USP32: variants seen among roughly 807,000 people sequenced by gnomAD.
USP32 encodes the protein ubiquitin carboxyl-terminal hydrolase 32.
In USP32, 59 loss-of-function variants were observed where a neutral mutation model predicts 204.8. That is an observed-to-expected ratio of 0.29 (90% CI 0.23 to 0.36). USP32 has a LOEUF of 0.36. USP32 is among the 10% of genes least tolerant of loss of function. The pLI, the probability that USP32 is intolerant of heterozygous loss-of-function variation, is 1.00. For synonymous variants in USP32, 517 were observed against 678.4 expected (o/e 0.76, Z 3.70); for missense variants, 1,160 against 1,946.4 (o/e 0.60, Z 7.60).
At chr17:60,214,553 C>A (rs2085052751) in intron 17 of USP32, 67 bp downstream of exon 17, 11 of 1,514,416 alleles carry the variant, frequency 7.3e-6, no homozygotes, top group Non-Finnish European at 9.8e-6. Context: ...TAGCAAATTT[C>A]TTTTACTATT....
intron 1 of USP32, among the ~76,000 whole-genome samples, chr17:60,370,043 A>G (rs1321517356): frequency 6.6e-6 from 1 of 151,838 alleles, no homozygotes; most frequent in Admixed American, 6.6e-5. Flanking sequence ...ACAGCCTACA[A>G]AATAATTTTT....
At chr17:60,337,707 T>C (rs1303850843) in intron 2 of USP32, among the ~76,000 whole-genome samples, 1 of 151,916 alleles carries the variant, frequency 6.6e-6, no homozygotes, top group Non-Finnish European at 1.5e-5. Context: ...TGAGACCCCG[T>C]CTCCACAAAA....
chr17:60,378,994 T>C (rs763209308), intron 1 of USP32, among the ~76,000 whole-genome samples: 5 of 152,160 alleles, frequency 3.3e-5, no homozygotes, highest in Non-Finnish European at 7.4e-5. Flanking sequence ...GAGAGCTATG[T>C]ACATACCTGA....
chr17:60,178,618 A>G lies in USP32; in HGVS notation c.*637T>C, dbSNP rs940946798. On this transcript the variant is annotated 3_prime_UTR_variant, in exon 34 of 34. Coordinates refer to ENST00000300896, the MANE Select transcript of USP32 (RefSeq NM_032582.4). ...GAGCCTCCCTTTCAGACTGACCACT[A>G]TATGCCCCTGCCACCAATGACTGGT... 6.6e-6 allele frequency among the ~76,000 whole-genome samples: 1 copy of G among 152,206 alleles called. No individual in the cohort carries two copies. The highest frequency in any genetic ancestry group is 2.4e-5 in the African/African-American group (1 of 41,448).
chr17:60,232,168 CTTTTT>C (rs58707657), intron 12 of USP32, among the ~76,000 whole-genome samples: 51 of 109,468 alleles, frequency 4.7e-4, no homozygotes, highest in Non-Finnish European at 8.4e-4. Context: ...TTTTCTTTTT[CTTTTT>C]TTTTTTTTTT....
chr17:60,326,247 C>A (rs189362455), intron 2 of USP32, among the ~76,000 whole-genome samples: 1 of 151,958 alleles, frequency 6.6e-6, no homozygotes, highest in Admixed American at 6.5e-5. Context: ...GATTGCATTT[C>A]ATCACACCCT....
In USP32 at chr17:60,178,627, T is replaced by C. The variant is rs2084025766; in HGVS notation, c.*628A>G. Among the ~76,000 whole-genome samples, 2 of 152,290 alleles carry C rather than the reference T, an allele frequency of 1.3e-5. No homozygotes were observed. Among genetic ancestry groups the C allele is most frequent in the Middle Eastern group, 3.4e-3 (1 of 294 alleles). ...TTTCAGACTGACCACTATATGCCCC[T>C]GCCACCAATGACTGGTTGTGTCTCA... On this transcript the variant is annotated 3_prime_UTR_variant, in exon 34 of 34. Coordinates refer to ENST00000300896, the MANE Select transcript of USP32 (RefSeq NM_032582.4).
chr17:60,366,270 T>C (rs972110846), intron 1 of USP32, among the ~76,000 whole-genome samples: 1 of 152,158 alleles, frequency 6.6e-6, no homozygotes, highest in Non-Finnish European at 1.5e-5. Context: ...GCGATTCTCC[T>C]GCCTCAGCCT....
intron 5 of USP32, among the ~76,000 whole-genome samples, chr17:60,286,012 T>C (rs2145840607): frequency 6.6e-6 from 1 of 151,994 alleles, no homozygotes; most frequent in South Asian, 2.1e-4. Context: ...AGTGCATGCC[T>C]GTAATCACAG....
At chr17:60,376,985 A>G (rs1017335348) in intron 1 of USP32, among the ~76,000 whole-genome samples, 2 of 152,238 alleles carry the variant, frequency 1.3e-5, no homozygotes, top group Non-Finnish European at 2.9e-5. Context: ...AAAAACGCAC[A>G]AAGAACATTG....
chr17:60,300,715 C>T (rs1395577712), intron 3 of USP32, among the ~76,000 whole-genome samples: 1 of 152,104 alleles, frequency 6.6e-6, no homozygotes, highest in East Asian at 1.9e-4. Context: ...AAAATTCACC[C>T]TTTTAAAATA....
At chr17:60,327,034 A>G (rs1348955027) in intron 2 of USP32, among the ~76,000 whole-genome samples, 1 of 152,162 alleles carries the variant, frequency 6.6e-6, no homozygotes, top group African/African-American at 2.4e-5. Context: ...ACAGCCAGAT[A>G]GGAGGGAAAA....
At position 60,419,824 on chromosome 17, in the gene USP32, ATT is replaced by A. The variant is rs1567903836; in HGVS notation, c.106+2420_106+2421del. On this transcript the variant is annotated intron_variant, in intron 1 of 3. Transcript: ENST00000588898. ...CAACTCAAGGTTAAAAAAAATTATT[ATT>A]ATTATTATTATTATTATTATTATTA... 5.6e-5 allele frequency among the ~76,000 whole-genome samples: 3 copies of A among 53,600 alleles called. No individual in the cohort carries two copies. The East Asian group carries it at 1.9e-3, about 34-fold the overall frequency. The allele number at this position is 53,600 out of a possible 152,430, so 35.2% of individuals were successfully genotyped here. A position where few individuals can be genotyped will look rare whatever the true frequency, so the allele number is the denominator to read the frequency against.
At chr17:60,394,001 T>C (rs984844705), upstream of USP32, among the ~76,000 whole-genome samples, 2 of 152,208 alleles carry the variant, frequency 1.3e-5, no homozygotes, top group Non-Finnish European at 2.9e-5. Flanking sequence ...CGTGTTTTTC[T>C]ACTCACCTTT....
chr17:60,291,669 C>T (rs999933014), intron 4 of USP32, among the ~76,000 whole-genome samples: 2 of 151,840 alleles, frequency 1.3e-5, no homozygotes, highest in African/African-American at 4.8e-5. Flanking sequence ...ATGCAATCAT[C>T]GACACACTAC....
In USP32 at chr17:60,288,680, A is replaced by G. The variant is rs530416232; in HGVS notation, c.414T>C (p.Gly138=). The G allele has an allele frequency of 2.5e-6, 4 of 1,596,608 alleles. No individual in the cohort carries two copies. The African/African-American group carries it at 5.4e-5, about 22-fold the overall frequency. Reference sequence around the variant, plus strand: ...TAAACTTTTCATAGTTTACCTTTTCACCCTAAAATTAAAACAAGAAAACAT... The same window carrying G: ...TAAACTTTTCATAGTTTACCTTTTCGCCCTAAAATTAAAACAAGAAAACAT... ...PDTLRKCFSE[G]EKVNYEKFRN... Residue 138 remains glycine (G), a splice_region_variant and synonymous_variant, in exon 5 of 34, where the codon GGT becomes GGC. Coordinates refer to ENST00000300896, the MANE Select transcript of USP32 (RefSeq NM_032582.4).
chr17:60,330,296 T>C (rs1186766113), intron 2 of USP32, among the ~76,000 whole-genome samples: 1 of 152,192 alleles, frequency 6.6e-6, no homozygotes, highest in Non-Finnish European at 1.5e-5. Flanking sequence ...GATCTTAAAA[T>C]TGGCCTCCTT....
intron 1 of USP32, among the ~76,000 whole-genome samples, chr17:60,399,866 AACAGTGAGAG>A (rs1168591001): frequency 6.6e-6 from 1 of 152,302 alleles, no homozygotes; most frequent in East Asian, 1.9e-4. Context: ...GTGTGCCTGC[AACAGTGAGAG>A]AAGGGGATGG....
intron 1 of USP32, among the ~76,000 whole-genome samples, chr17:60,398,333 T>C (rs568673675): frequency 6.6e-6 from 1 of 152,120 alleles, no homozygotes; most frequent in South Asian, 2.1e-4. Flanking sequence ...AAAGTAGAGC[T>C]ACAGTTACCC....
Sources: allele counts gnomAD v4.1 joint callset (sites outside exome capture counted in the v4.1 genomes callset), GRCh38; gene constraint gnomAD v4.1.1; transcripts MANE v1.5; gene names NCBI Gene and HGNC (gene_info 2026-07-23, HGNC 2026-07-21).